The following NDP variants were observed in gnomAD, a reference collection of about 807,000 sequenced individuals.
The protein encoded by NDP is norrin cystine knot growth factor NDP.
In NDP, 2 loss-of-function variants were observed where a neutral mutation model predicts 8.4. That is an observed-to-expected ratio of 0.24 (90% CI 0.10 to 0.75). The LOEUF is 0.75. Among genes scored for constraint, NDP ranks in the 30% least tolerant of loss-of-function variants. NDP has a pLI of 0.73. For synonymous variants in NDP, 55 were observed against 45.6 expected (o/e 1.21, Z -0.83); for missense variants, 81 against 110.1 (o/e 0.74, Z 1.18).
At position 43,956,378 on chromosome X, in the gene NDP, A is replaced by G. The variant is rs183328756; in HGVS notation, c.174+2094T>C. Among the ~76,000 whole-genome samples, 80 of 112,066 alleles carry G rather than the reference A, an allele frequency of 7.1e-4. 1 individual carries two copies. The highest frequency in any genetic ancestry group is 2.2e-3 in the Admixed American group (23 of 10,565). On this transcript the variant is annotated intron_variant, in intron 2 of 2. Coordinates refer to ENST00000642620, the MANE Select transcript of NDP (RefSeq NM_000266.4). The stretch of plus-strand genomic sequence containing the variant: ...GGATAATTTTTATAGAGACAAAAAA[A>G]TCTATCCCAGTCTTTTCTTTGTAAA...
chrX:43,961,857 G>A (rs1473516229), intron 1 of NDP, among the ~76,000 whole-genome samples: 2 of 111,503 alleles, frequency 1.8e-5, no homozygotes, highest in Non-Finnish European at 3.8e-5. Flanking sequence ...CATAGTTCTT[G>A]TACATTACTG....
chrX:43,969,585 C>G (rs1569247914), intron 1 of NDP: 1 of 112,664 alleles, frequency 8.9e-6, no homozygotes, highest in African/African-American at 3.2e-5. Context: ...TCTCGGCAGC[C>G]CAAAGGGCAG....
intron 2 of NDP, among the ~76,000 whole-genome samples, chrX:43,956,660 G>A (rs1319487751): frequency 8.9e-6 from 1 of 112,026 alleles, no homozygotes; most frequent in Non-Finnish European, 1.9e-5. Flanking sequence ...AGGGAAGAAA[G>A]GTTTATAATT....
intron 2 of NDP, among the ~76,000 whole-genome samples, chrX:43,951,607 T>A (rs926596818): frequency 3.6e-5 from 4 of 111,854 alleles, no homozygotes; most frequent in Non-Finnish European, 7.5e-5. Context: ...ATCTCTGACA[T>A]CATCCTGTAG....
chrX:43,956,133 G>A (rs768565317), intron 2 of NDP, among the ~76,000 whole-genome samples: 2 of 111,474 alleles, frequency 1.8e-5, no homozygotes, highest in Non-Finnish European at 3.8e-5. Context: ...GCCATCACAG[G>A]TTTCTTGGCA....
intron 2 of NDP, among the ~76,000 whole-genome samples, chrX:43,955,287 T>C (rs1286988460): frequency 8.9e-6 from 1 of 112,462 alleles, no homozygotes; most frequent in Non-Finnish European, 1.9e-5. Flanking sequence ...TAATATCTTC[T>C]ATTAAATGGC....
chrX:43,961,850 A>C (rs1179601796), intron 1 of NDP, among the ~76,000 whole-genome samples: 2 of 111,647 alleles, frequency 1.8e-5, no homozygotes, highest in Non-Finnish European at 3.8e-5. Context: ...GCGACCACAT[A>C]GTTCTTGTAC....
At chrX:43,963,634 A>C (rs893087803) in intron 1 of NDP, among the ~76,000 whole-genome samples, 1 of 112,094 alleles carries the variant, frequency 8.9e-6, no homozygotes, top group Non-Finnish European at 1.9e-5. Context: ...ATAAAACTTC[A>C]TACAGTACTA....
intron 2 of NDP, among the ~76,000 whole-genome samples, chrX:43,957,900 C>T (rs745565580): frequency 3.2e-4 from 34 of 106,720 alleles, no homozygotes; most frequent in Non-Finnish European, 5.6e-4. Context: ...CACTGAGGCA[C>T]GGACTGCCTC....
At chrX:43,966,830 C>T (rs12839985) in intron 1 of NDP, among the ~76,000 whole-genome samples, 24,736 of 110,541 alleles carry the variant, frequency 0.22, 2,310 homozygotes, top group Non-Finnish European at 0.28. Context: ...CCTCCTCACC[C>T]GCAACAACAC....
rs112278531 is a variant in NDP at position 43,958,430 on chromosome X, T to C, written c.174+42A>G. On this transcript the variant is annotated intron_variant, in intron 2 of 2. Coordinates refer to ENST00000642620, the MANE Select transcript of NDP (RefSeq NM_000266.4). ...ACAAAGAAATATGGCTTCTTGCCTG[T>C]TTCTGAGGGAAATGCTCTCCTCACA... The C allele has an allele frequency of 6.1e-3, 7,293 of 1,188,973 alleles. 266 individuals carry two copies. In the African/African-American group the frequency reaches 0.11, roughly 18 times the overall value.
chrX:43,950,458 C>CAAAAAAAAAAAAAAAAAAAAAAA (rs11292831), intron 2 of NDP, among the ~76,000 whole-genome samples: 2 of 59,305 alleles, frequency 3.4e-5, no homozygotes, highest in Non-Finnish European at 6.2e-5. Flanking sequence ...AAATGACTAC[C>CAAAAAAAAAAAAAAAAAAAAAAA]AAAAAAAAAA....
At chrX:43,950,224 G>A in intron 2 of NDP, 198 bp from the exon 3 acceptor site, 1 of 445,544 alleles carries the variant, frequency 2.2e-6, no homozygotes. Flanking sequence ...TTGGAGATAG[G>A]GACCAGGCTT....
At chrX:43,955,547 T>C (rs1384082370) in intron 2 of NDP, among the ~76,000 whole-genome samples, 2 of 112,786 alleles carry the variant, frequency 1.8e-5, no homozygotes, top group African/African-American at 3.2e-5. Context: ...CACTATCAAC[T>C]GGTCTTTTGC....
At chrX:43,963,223 T>C (rs2035836758) in intron 1 of NDP, among the ~76,000 whole-genome samples, 1 of 112,169 alleles carries the variant, frequency 8.9e-6, no homozygotes, top group Non-Finnish European at 1.9e-5. Context: ...ACCTACTGTG[T>C]GTCTCCTTTT....
chrX:43,968,308 C>G (rs1481496031), intron 1 of NDP, among the ~76,000 whole-genome samples: 1 of 112,150 alleles, frequency 8.9e-6, no homozygotes, highest in Non-Finnish European at 1.9e-5. Flanking sequence ...TGGTGACAAG[C>G]AAATGACTGC....
At chrX:43,955,931 C>T (rs1226596676) in intron 2 of NDP, among the ~76,000 whole-genome samples, 1 of 112,143 alleles carries the variant, frequency 8.9e-6, no homozygotes, top group Non-Finnish European at 1.9e-5. Flanking sequence ...GCCAGCAGAT[C>T]AGAAGCAGAG....
rs2035746043 is a variant in NDP, at chrX:43,949,154, C to A, written c.*645G>T. ...GCCTTCCTGTGACAAATTCTTTATGCTGCTTTTACTTTCAAAAAGTCATTT... is the reference window on the plus strand; with the variant it reads ...GCCTTCCTGTGACAAATTCTTTATGATGCTTTTACTTTCAAAAAGTCATTT... On this transcript the variant is annotated 3_prime_UTR_variant, in exon 3 of 3. Coordinates refer to ENST00000642620, the MANE Select transcript of NDP (RefSeq NM_000266.4). The A allele has an allele frequency of 8.8e-6, 1 of 113,192 alleles. No homozygotes were observed. The highest frequency in any genetic ancestry group is 3.2e-5 in the African/African-American group (1 of 30,876). 9.3% of individuals were successfully genotyped at this position (113,192 alleles called of 1,213,427 possible). A position where few individuals can be genotyped will look rare whatever the true frequency, so the allele number is the denominator to read the frequency against.
chrX:43,952,553 C>T (rs966172139), intron 2 of NDP, among the ~76,000 whole-genome samples: 3 of 111,884 alleles, frequency 2.7e-5, no homozygotes, highest in Non-Finnish European at 5.6e-5. Context: ...CTGACTGGGC[C>T]ATTAGCACTG....
Sources: gnomAD v4.1 joint callset for allele counts (sites outside exome capture counted in the v4.1 genomes callset) on GRCh38, gnomAD v4.1.1 for gene constraint, MANE v1.5 for transcripts, NCBI Gene and HGNC (gene_info 2026-07-23, HGNC 2026-07-21) for gene names.